Variants in DMD observed in about 807,000 individuals in gnomAD.
The protein encoded by DMD is dystrophin.
DMD carries 63 observed loss-of-function variants against 330.1 expected under a neutral mutation model. That is an observed-to-expected ratio of 0.19 (90% CI 0.16 to 0.24). DMD has a LOEUF of 0.24. Among genes scored for constraint, DMD ranks in the 10% least tolerant of loss-of-function variants. The pLI is 1.00. For synonymous variants in DMD, 1,223 were observed against 959.8 expected (o/e 1.27, Z -5.07); for missense variants, 3,344 against 2,684.1 (o/e 1.25, Z -5.43).
intron 7 of DMD, among the ~76,000 whole-genome samples, chrX:32,719,086 C>A (rs913608034): frequency 2.7e-5 from 3 of 111,716 alleles, no homozygotes; most frequent in Non-Finnish European, 3.8e-5. Context: ...TTCACAAACA[C>A]TAAACATAAC....
In DMD at chrX:31,750,806, T is replaced by C. The variant is rs1603459530; in HGVS notation, c.7543-21058A>G. Among the ~76,000 whole-genome samples, 9 of 103,605 alleles carry C rather than the reference T, an allele frequency of 8.7e-5. 1 individual carries two copies. The Admixed American group carries it at 9.5e-4, about 11-fold the overall frequency. The allele number at this position is 103,605 out of a possible 115,157, so 90.0% of individuals were successfully genotyped here. A position where few individuals can be genotyped will look rare whatever the true frequency, so the allele number is the denominator to read the frequency against. ...AAGCAACTTCAGCAAAGTCTCAGGA[T>C]ACAAAATCAATGTACAAAAATCACA... On this transcript the variant is annotated intron_variant, in intron 51 of 78. Coordinates refer to ENST00000357033, the MANE Select transcript of DMD (RefSeq NM_004006.3).
intron 9 of DMD, among the ~76,000 whole-genome samples, chrX:32,657,011 ATG>A (rs57052299): frequency 0.079 from 7,897 of 100,408 alleles, 637 homozygotes; most frequent in African/African-American, 0.26. Context: ...ACCAACTTAT[ATG>A]TGTGTGTGTG....
intron 43 of DMD, among the ~76,000 whole-genome samples, chrX:32,282,136 T>A (rs969417195): frequency 1.4e-4 from 16 of 112,055 alleles, no homozygotes; most frequent in African/African-American, 4.8e-4. Flanking sequence ...CTCTTAGTCT[T>A]TGGGAAGTCA....
At chrX:31,148,302 C>T (rs961343053) in intron 74 of DMD, among the ~76,000 whole-genome samples, 2 of 112,391 alleles carry the variant, frequency 1.8e-5, no homozygotes, top group African/African-American at 3.2e-5. Flanking sequence ...AAGAACTTCA[C>T]ATTTAAGAAT....
At chrX:32,842,420 A>T (rs76841572) in intron 4 of DMD, among the ~76,000 whole-genome samples, 1 of 112,105 alleles carries the variant, frequency 8.9e-6, no homozygotes, top group African/African-American at 3.2e-5. Flanking sequence ...AAACAAAAAA[A>T]CCCACACACC....
At chrX:32,388,866 A>G (rs1349324983) in intron 32 of DMD, among the ~76,000 whole-genome samples, 2 of 111,388 alleles carry the variant, frequency 1.8e-5, no homozygotes, top group Non-Finnish European at 3.8e-5. Flanking sequence ...TGAGTTTCCA[A>G]TAACAGCAAC....
intron 13 of DMD, among the ~76,000 whole-genome samples, chrX:32,585,699 C>CAAAAAAAAAAAAAAAAAAAAAAAA (rs61394183): frequency 6.0e-4 from 19 of 31,931 alleles, no homozygotes; most frequent in Non-Finnish European, 8.9e-4. Flanking sequence ...GACTCCGTCT[C>CAAAAAAAAAAAAAAAAAAAAAAAA]AAAAAAAAAA....
At position 32,438,369 on chromosome X, in the gene DMD, G is replaced by A. The variant is rs752311497; in HGVS notation, c.3943C>T (p.His1315Tyr). 1 of 1,211,276 alleles carries A rather than the reference G, an allele frequency of 8.3e-7. No homozygotes were observed. Among genetic ancestry groups the A allele is most frequent in the Non-Finnish European group, 1.1e-6 (1 of 895,259 alleles). ...VLDSLENLMR[H>Y]SEDNPNQIRI... ...ATCTGATTTGGGTTATCCTCTGAATGTCGCATCAAATTTTCAAGTGACTGA... is the reference window on the plus strand; with the variant it reads ...ATCTGATTTGGGTTATCCTCTGAATATCGCATCAAATTTTCAAGTGACTGA... The change falls in exon 29 of 79, where the codon CAT (histidine) becomes TAT (tyrosine). Residue 1315 changes from histidine to tyrosine, a missense_variant. By Grantham distance (83) the His-to-Tyr change is moderately conservative. Coordinates refer to ENST00000357033, the MANE Select transcript of DMD (RefSeq NM_004006.3).
intron 41 of DMD, among the ~76,000 whole-genome samples, chrX:32,311,355 G>A (rs1363792569): frequency 9.0e-6 from 1 of 110,569 alleles, no homozygotes; most frequent in African/African-American, 3.3e-5. Context: ...GTAATACATT[G>A]GACTTTGGGG....
chrX:32,400,382 T>G (rs2098077901), intron 30 of DMD, among the ~76,000 whole-genome samples: 1 of 111,402 alleles, frequency 9.0e-6, no homozygotes, highest in Non-Finnish European at 1.9e-5. Context: ...GAGGATTTTT[T>G]CATCAATGTT....
chrX:33,291,159 C>T (rs1364930758), intron 1 of DMD, among the ~76,000 whole-genome samples: 1 of 111,233 alleles, frequency 9.0e-6, no homozygotes, highest in Non-Finnish European at 1.9e-5. Flanking sequence ...ACAAAAACTA[C>T]GATTATCTCA....
intron 2 of DMD, among the ~76,000 whole-genome samples, chrX:32,938,115 C>T (rs5972717): frequency 0.42 from 46,639 of 110,002 alleles, 7,592 homozygotes; most frequent in African/African-American, 0.56. Flanking sequence ...TAGCAAAATG[C>T]GAAAACTACT....
intron 2 of DMD, among the ~76,000 whole-genome samples, chrX:32,996,328 AATATTT>A (rs2093118766): frequency 9.0e-6 from 1 of 111,197 alleles, no homozygotes; most frequent in South Asian, 3.7e-4. Context: ...TTTAAAAATA[AATATTT>A]ATAAGTCCTA....
At chrX:32,469,394 T>C (rs2040383395) in intron 22 of DMD, among the ~76,000 whole-genome samples, 1 of 110,476 alleles carries the variant, frequency 9.1e-6, no homozygotes, top group Admixed American at 9.7e-5. Context: ...CCAGAACTAC[T>C]AGTACTTTAT....
At chrX:32,836,663 G>A (rs889359011) in intron 4 of DMD, among the ~76,000 whole-genome samples, 5 of 111,268 alleles carry the variant, frequency 4.5e-5, no homozygotes, top group African/African-American at 6.5e-5. Context: ...TCTCAGTACA[G>A]CCTGAGCCAT....
intron 51 of DMD, among the ~76,000 whole-genome samples, chrX:31,745,743 T>C (rs1455536370): frequency 8.9e-6 from 1 of 112,069 alleles, no homozygotes; most frequent in Non-Finnish European, 1.9e-5. Context: ...TAAAAAGGGA[T>C]TGTAGTTTCA....
intron 54 of DMD, among the ~76,000 whole-genome samples, chrX:31,645,248 G>A (rs377240312): frequency 9.0e-6 from 1 of 111,030 alleles, no homozygotes; most frequent in Non-Finnish European, 1.9e-5. Flanking sequence ...TGATTACTTC[G>A]GTGGATTTCT....
At chrX:32,790,772 G>A (rs901223479) in intron 7 of DMD, among the ~76,000 whole-genome samples, 8 of 111,346 alleles carry the variant, frequency 7.2e-5, no homozygotes, top group Admixed American at 1.9e-4. Context: ...CACAAGCGAC[G>A]CACAGGCTAC....
chrX:32,849,658 T>C, intron 3 of DMD, 70 bp downstream of exon 3: 1 of 810,497 alleles, frequency 1.2e-6, no homozygotes, highest in East Asian at 3.2e-5. Context: ...GTCATAAAAC[T>C]ATGTTGTCAG....
Sources: allele counts gnomAD v4.1 joint callset (sites outside exome capture counted in the v4.1 genomes callset), GRCh38; gene constraint gnomAD v4.1.1; transcripts MANE v1.5; gene names NCBI Gene and HGNC (gene_info 2026-07-23, HGNC 2026-07-21).